MGAT4C: variants seen among roughly 807,000 people sequenced by gnomAD.
MGAT4C encodes alpha-1,3-mannosyl-glycoprotein 4-beta-N-acetylglucosaminyltransferase C.
MGAT4C carries 19 observed loss-of-function variants against 40.1 expected under a neutral mutation model. That is an observed-to-expected ratio of 0.47 (90% CI 0.33 to 0.70). The LOEUF is 0.70. Among genes scored for constraint, MGAT4C ranks in the 30% least tolerant of loss-of-function variants. The probability of loss-of-function intolerance (pLI) is 0.02; values close to 1 mark genes in which losing one functional copy is unlikely to be tolerated. For synonymous variants in MGAT4C, 181 were observed against 187.1 expected, an observed-to-expected ratio of 0.97 and a Z score of 0.27; for missense variants, 491 against 563.2, an observed-to-expected ratio of 0.87 and a Z score of 1.30.
intron 2 of MGAT4C, among the ~76,000 whole-genome samples, chr12:86,446,656 CTCATAT>C (rs1957340251): frequency 1.3e-5 from 1 of 79,574 alleles, no homozygotes; most frequent in Non-Finnish European, 2.6e-5. Context: ...CATCATGTAA[CTCATAT>C]ATATATATAT....
intron 1 of MGAT4C, among the ~76,000 whole-genome samples, chr12:86,093,308 T>C (rs1873222617): frequency 6.6e-6 from 1 of 152,160 alleles, no homozygotes; most frequent in African/African-American, 2.4e-5. Context: ...TTTTTAAAAA[T>C]TATTTTACTT....
At chr12:86,024,534 T>C (rs1400849744) in intron 2 of MGAT4C, among the ~76,000 whole-genome samples, 3 of 151,842 alleles carry the variant, frequency 2.0e-5, no homozygotes, top group African/African-American at 7.2e-5. Context: ...ATAATTTTCA[T>C]TTATATAAAG....
chr12:86,651,931 C>G (rs1019902773), intron 2 of MGAT4C, among the ~76,000 whole-genome samples: 4 of 151,738 alleles, frequency 2.6e-5, no homozygotes, highest in Non-Finnish European at 5.9e-5. Context: ...AAGATATTGT[C>G]TATTTGAGAC....
chr12:85,980,294 A>G lies in MGAT4C; in HGVS notation c.432T>C (p.Phe144=). 6.2e-7 allele frequency: 1 copy of G among 1,613,996 alleles called. No homozygotes were observed. The highest frequency in any genetic ancestry group is 8.5e-7 in the Non-Finnish European group (1 of 1,179,918). ...CCATGGCATCACGCCAGGAAGAATTAAAGTCTGCTAGGTGAACCACCACTG... is the reference window on the plus strand; with the variant it reads ...CCATGGCATCACGCCAGGAAGAATTGAAGTCTGCTAGGTGAACCACCACTG... The part of the protein sequence containing the change: ...EISVVVHLAD[F]NSSWRDAMVQ... Residue 144 remains phenylalanine, a synonymous_variant, in exon 5 of 5, where the codon TTT becomes TTC. Coordinates refer to ENST00000611864, the MANE Select transcript of MGAT4C (RefSeq NM_001351288.2).
intron 2 of MGAT4C, among the ~76,000 whole-genome samples, chr12:86,542,955 T>C (rs781119888): frequency 6.6e-6 from 1 of 152,170 alleles, no homozygotes; most frequent in Non-Finnish European, 1.5e-5. Flanking sequence ...TTTGTCTTTT[T>C]GGGGGATTTC....
At chr12:86,527,876 A>G (rs1169059272) in intron 2 of MGAT4C, among the ~76,000 whole-genome samples, 4 of 152,162 alleles carry the variant, frequency 2.6e-5, no homozygotes, top group Non-Finnish European at 5.9e-5. Flanking sequence ...GGTAGCTAAA[A>G]AGTGGACTTC....
At chr12:86,322,185 G>A (rs1954407579) in intron 4 of MGAT4C, among the ~76,000 whole-genome samples, 1 of 137,826 alleles carries the variant, frequency 7.3e-6, no homozygotes. Context: ...AGAACAGATG[G>A]ACACAGGGTG....
intron 1 of MGAT4C, among the ~76,000 whole-genome samples, chr12:86,764,549 G>A (rs1243086744): frequency 1.5e-5 from 1 of 64,554 alleles, no homozygotes; most frequent in Non-Finnish European, 3.8e-5. Context: ...CTGAGAACGG[G>A]CAGACTGCCT....
At chr12:86,582,733 G>C (rs937870443) in intron 2 of MGAT4C, among the ~76,000 whole-genome samples, 1 of 151,158 alleles carries the variant, frequency 6.6e-6, no homozygotes, top group Non-Finnish European at 1.5e-5. Context: ...GAATAGGCTG[G>C]TTCAATTATG....
intron 1 of MGAT4C, among the ~76,000 whole-genome samples, chr12:86,778,137 A>G (rs1165024818): frequency 6.6e-6 from 1 of 152,158 alleles, no homozygotes; most frequent in African/African-American, 2.4e-5. Context: ...TATAAAAATG[A>G]GGATAATACT....
At chr12:86,046,148 G>A (rs901487571) in intron 2 of MGAT4C, among the ~76,000 whole-genome samples, 8 of 152,152 alleles carry the variant, frequency 5.3e-5, no homozygotes, top group African/African-American at 1.9e-4. Flanking sequence ...ATAAGATGTT[G>A]TGGAAGACTG....
intron 4 of MGAT4C, among the ~76,000 whole-genome samples, chr12:86,305,722 CTAGAT>C (rs1953920030): frequency 6.7e-6 from 1 of 150,208 alleles, no homozygotes; most frequent in African/African-American, 2.5e-5. Flanking sequence ...ACGTTTATCA[CTAGAT>C]TATTTAGAAT....
chr12:86,285,334 C>A (rs1039067342), intron 4 of MGAT4C, among the ~76,000 whole-genome samples: 10 of 152,004 alleles, frequency 6.6e-5, no homozygotes, highest in African/African-American at 2.4e-4. Flanking sequence ...TTCATAAGAG[C>A]AGGGATGTTG....
chr12:86,430,374 C>T (rs1957010693), intron 3 of MGAT4C, among the ~76,000 whole-genome samples: 1 of 149,936 alleles, frequency 6.7e-6, no homozygotes, highest in South Asian at 2.1e-4. Context: ...AGGGAATAGT[C>T]CCCTCTTGGC....
intron 2 of MGAT4C, among the ~76,000 whole-genome samples, chr12:86,491,918 T>A (rs552274850): frequency 1.3e-5 from 2 of 152,064 alleles, no homozygotes; most frequent in Non-Finnish European, 2.9e-5. Flanking sequence ...GCCCAAAATC[T>A]CCTTAAGCTG....
At chr12:86,628,219 C>A (rs1962886106) in intron 2 of MGAT4C, among the ~76,000 whole-genome samples, 1 of 152,150 alleles carries the variant, frequency 6.6e-6, no homozygotes, top group Non-Finnish European at 1.5e-5. Context: ...AAGAAACAAA[C>A]AAAGCCTCCA....
chr12:86,709,610 G>T (rs893183347), intron 2 of MGAT4C, among the ~76,000 whole-genome samples: 14 of 151,632 alleles, frequency 9.2e-5, no homozygotes, highest in Admixed American at 6.6e-5. Flanking sequence ...ATGTTTTATA[G>T]ATATTATATT....
intron 2 of MGAT4C, among the ~76,000 whole-genome samples, chr12:86,006,549 T>C (rs1380127053): frequency 6.6e-6 from 1 of 152,174 alleles, no homozygotes; most frequent in Non-Finnish European, 1.5e-5. Flanking sequence ...ACAAAGAATC[T>C]CTCCTTGACT....
At chr12:86,508,223 G>A (rs1010370931) in intron 2 of MGAT4C, among the ~76,000 whole-genome samples, 9 of 150,170 alleles carry the variant, frequency 6.0e-5, no homozygotes, top group Admixed American at 2.0e-4. Context: ...CCCACCATAC[G>A]ACAGTCCCCA....
Sources: allele counts gnomAD v4.1 joint callset (sites outside exome capture counted in the v4.1 genomes callset), GRCh38; gene constraint gnomAD v4.1.1; transcripts MANE v1.5; gene names NCBI Gene and HGNC (gene_info 2026-07-23, HGNC 2026-07-21).